Variants in PARD3B observed in about 807,000 individuals in gnomAD.
The protein encoded by PARD3B is par-3 family cell polarity regulator beta, also known as partitioning defective 3 homolog B.
PARD3B carries 103 observed loss-of-function variants against 130.2 expected under a neutral mutation model. The ratio of observed to expected loss-of-function variants is 0.79; its 90% CI spans 0.67 to 0.93. The LOEUF is 0.93. Ranked by LOEUF, PARD3B falls within the 40% of genes least tolerant of loss-of-function variation. The probability of loss-of-function intolerance (pLI) is 0.00; values close to 1 mark genes in which losing one functional copy is unlikely to be tolerated. For missense variants in PARD3B, 1,609 were observed against 1,499.2 expected (o/e 1.07, Z -1.21); for synonymous variants, 583 against 553.2 (o/e 1.05, Z -0.76).
At chr2:205,535,346 G>A (rs962667244) in intron 21 of PARD3B, among the ~76,000 whole-genome samples, 78 of 152,186 alleles carry the variant, frequency 5.1e-4, no homozygotes, top group African/African-American at 1.8e-3. Context: ...CTCTTTATTT[G>A]GTTCCTTTCT....
rs761018109 is a variant in PARD3B, at chr2:205,168,288, G to GGAGAGAGAGAGA, written c.1621-3901_1621-3890dup. 5.5e-3 allele frequency among the ~76,000 whole-genome samples: 695 copies of GGAGAGAGAGAGA among 126,838 alleles called. 8 individuals carry two copies. The highest frequency in any genetic ancestry group is 0.017 in the African/African-American group (545 of 31,270). The allele number at this position is 126,838 out of a possible 152,430, so 83.2% of individuals were successfully genotyped here. Reference sequence around the variant, plus strand: ...AGAGGAAGAAAAAGGGGTGAGAAAGGGAGAGAGAGAGAGAGAGAGAGAGAG... The same window carrying GGAGAGAGAGAGA: ...AGAGGAAGAAAAAGGGGTGAGAAAGGGAGAGAGAGAGAGAGAGAGAGAGAGAGAGAGAGAGAG... On this transcript the variant is annotated intron_variant, in intron 11 of 22. Transcript: ENST00000406610.
chr2:204,900,678 G>A (rs190710729), intron 2 of PARD3B, among the ~76,000 whole-genome samples: 1 of 152,100 alleles, frequency 6.6e-6, no homozygotes, highest in Non-Finnish European at 1.5e-5. Context: ...CTTTATGCTC[G>A]TGGATGTTTG....
rs945079963 is a variant in PARD3B, at chr2:205,609,430, G to A, written c.3261-6026G>A. ...CCAGATGTCGACTTTCTGCCAACGGGTACAGGCACCTCTCTTAGACAGCTC... is the reference window on the plus strand; with the variant it reads ...CCAGATGTCGACTTTCTGCCAACGGATACAGGCACCTCTCTTAGACAGCTC... On this transcript the variant is annotated intron_variant, in intron 22 of 22. Transcript: ENST00000406610. 3.3e-5 allele frequency among the ~76,000 whole-genome samples: 5 copies of A among 152,090 alleles called. No individual in the cohort carries two copies. In the East Asian group the frequency reaches 7.7e-4, roughly 23 times the overall value.
chr2:204,566,274 C>T (rs1371970147), intron 1 of PARD3B, among the ~76,000 whole-genome samples: 1 of 152,224 alleles, frequency 6.6e-6, no homozygotes, highest in Non-Finnish European at 1.5e-5. Flanking sequence ...AGGTACAGCT[C>T]TGCAGTTGGG....
intron 2 of PARD3B, among the ~76,000 whole-genome samples, chr2:204,946,622 A>T (rs1456442025): frequency 6.6e-6 from 1 of 152,144 alleles, no homozygotes; most frequent in Non-Finnish European, 1.5e-5. Flanking sequence ...CGTAAAGAGG[A>T]TGTACTGTCA....
rs150938389 is a variant in PARD3B, at chr2:205,140,872, G to A, written c.1434+15135G>A. On this transcript the variant is annotated intron_variant, in intron 10 of 22. Coordinates refer to ENST00000406610, the MANE Select transcript of PARD3B (RefSeq NM_001302769.2). ...CAATTTAGCAGAAAAAAATGAAGTC[G>A]AAAAGGCATCTGAACATACAGTCTT... 2.0e-4 allele frequency among the ~76,000 whole-genome samples: 30 copies of A among 152,172 alleles called. 1 individual carries two copies. The East Asian group carries it at 5.4e-3, about 27-fold the overall frequency.
chr2:205,061,944 G>C (rs1326171010), intron 4 of PARD3B, among the ~76,000 whole-genome samples: 1 of 152,032 alleles, frequency 6.6e-6, no homozygotes, highest in East Asian at 1.9e-4. Flanking sequence ...GAAGGAAACA[G>C]GAAAGGACGG....
intron 18 of PARD3B, among the ~76,000 whole-genome samples, chr2:205,358,970 C>G (rs2044293688): frequency 6.6e-6 from 1 of 152,168 alleles, no homozygotes; most frequent in African/African-American, 2.4e-5. Context: ...GAAGTGTTGT[C>G]TGTGGCGCAG....
intron 2 of PARD3B, among the ~76,000 whole-genome samples, chr2:204,703,060 C>T (rs1283654586): frequency 3.9e-5 from 6 of 152,058 alleles, no homozygotes; most frequent in African/African-American, 1.2e-4. Context: ...CTTATATTAT[C>T]TCATCGATTA....
intron 16 of PARD3B, among the ~76,000 whole-genome samples, chr2:205,251,931 C>G (rs1250228517): frequency 6.6e-6 from 1 of 152,106 alleles, no homozygotes; most frequent in Non-Finnish European, 1.5e-5. Flanking sequence ...ATATACATTT[C>G]TCACATGCTG....
chr2:204,999,301 C>G (rs1167899093), intron 3 of PARD3B, among the ~76,000 whole-genome samples: 1 of 152,142 alleles, frequency 6.6e-6, no homozygotes, highest in Non-Finnish European at 1.5e-5. Context: ...GAAGGAATGA[C>G]TCGTTTTGCC....
intron 2 of PARD3B, among the ~76,000 whole-genome samples, chr2:204,844,381 A>G (rs1419329406): frequency 1.3e-5 from 2 of 152,144 alleles, no homozygotes; most frequent in Admixed American, 6.5e-5. Flanking sequence ...TTGATTAGCA[A>G]TGTTAGTTTA....
At chr2:205,579,426 A>G (rs1471365582) in intron 22 of PARD3B, among the ~76,000 whole-genome samples, 1 of 152,192 alleles carries the variant, frequency 6.6e-6, no homozygotes, top group African/African-American at 2.4e-5. Context: ...CTGAAGGAGC[A>G]GAGTCCCCAA....
chr2:205,293,346 G>T (rs1038616315), intron 16 of PARD3B: 3 of 152,074 alleles, frequency 2.0e-5, no homozygotes, highest in Non-Finnish European at 4.4e-5. Flanking sequence ...AAAAGCAGAA[G>T]AAACATTTAC....
intron 19 of PARD3B, among the ~76,000 whole-genome samples, chr2:205,412,347 C>T (rs756181516): frequency 2.6e-5 from 4 of 152,086 alleles, no homozygotes; most frequent in African/African-American, 9.7e-5. Context: ...TCCAAGAGGT[C>T]GTGGAAAAGC....
chr2:204,737,851 A>G lies in PARD3B; in HGVS notation c.222+51569A>G, dbSNP rs534857827. ...TCCATTCCCCAATTCATGTTTTTGT[A>G]TGCTTTGTTGAAAATCAGTTGGCTG... is the stretch of plus-strand genomic sequence containing the variant. On this transcript the variant is annotated intron_variant, in intron 2 of 22. Transcript: ENST00000406610. 2.3e-3 allele frequency among the ~76,000 whole-genome samples: 355 copies of G among 152,156 alleles called. 2 individuals are homozygous for G. Among genetic ancestry groups the G allele is most frequent in the African/African-American group, 8.2e-3 (341 of 41,536 alleles).
chr2:204,665,157 T>C (rs1418922580), intron 1 of PARD3B, among the ~76,000 whole-genome samples: 3 of 152,108 alleles, frequency 2.0e-5, no homozygotes, highest in Non-Finnish European at 4.4e-5. Context: ...TCAAAATCTT[T>C]AGAAAATATA....
chr2:204,866,041 A>G (rs188021331), intron 2 of PARD3B, among the ~76,000 whole-genome samples: 19 of 152,210 alleles, frequency 1.2e-4, no homozygotes, highest in African/African-American at 4.6e-4. Context: ...CTCATTGTGT[A>G]CCTTCACTGA....
At position 205,021,650 on chromosome 2, in the gene PARD3B, C is replaced by CTA. The variant is rs921684966; in HGVS notation, c.395-25916_395-25915dup. On this transcript the variant is annotated intron_variant, in intron 3 of 22. Transcript: ENST00000406610. The surrounding 1 kb of genome is among the most constrained non-coding windows in gnomAD (Gnocchi z 4.5). Reference sequence around the variant, plus strand: ...TCTCTTTCTCTCTCTCTCTCTCTCTCTATATATATATATATAGTTAATCTT... The same window carrying CTA: ...TCTCTTTCTCTCTCTCTCTCTCTCTCTATATATATATATATATAGTTAATCTT... Among the ~76,000 whole-genome samples, 259 of 98,300 alleles carry CTA rather than the reference C, an allele frequency of 2.6e-3. No individual in the cohort carries two copies. Among genetic ancestry groups the CTA allele is most frequent in the African/African-American group, 6.2e-3 (194 of 31,130 alleles). The allele number at this position is 98,300 out of a possible 152,430, so 64.5% of individuals were successfully genotyped here. A position where few individuals can be genotyped will look rare whatever the true frequency, so the allele number is the denominator to read the frequency against.
Sources: gnomAD v4.1 joint callset for allele counts (sites outside exome capture counted in the v4.1 genomes callset) on GRCh38, gnomAD v4.1.1 for gene constraint, Gnocchi (gnomAD v3.1) non-coding constraint, MANE v1.5 for transcripts, NCBI Gene and HGNC (gene_info 2026-07-23, HGNC 2026-07-21) for gene names.